The following RNLS variants were observed in gnomAD, a reference collection of about 807,000 sequenced individuals.
RNLS encodes the protein renalase, FAD dependent amine oxidase.
RNLS carries 39 observed loss-of-function variants against 39.8 expected under a neutral mutation model. The observed-to-expected ratio is 0.98, with a 90% CI of 0.76 to 1.28. The LOEUF is 1.28. Among genes scored for constraint, RNLS ranks in the 50% most tolerant of loss-of-function variants. RNLS has a pLI of 0.00. For synonymous variants in RNLS, 147 were observed against 150.7 expected (o/e 0.98, Z 0.18); for missense variants, 410 against 413.3 (o/e 0.99, Z 0.07).
chr10:88,198,316 T>G, the RNLS span, among the ~76,000 whole-genome samples: 1 of 152,190 alleles, frequency 6.6e-6, no homozygotes, highest in African/African-American at 2.4e-5. Flanking sequence ...GCATGTGGCC[T>G]GTGAGCAGGG....
the RNLS span, among the ~76,000 whole-genome samples, chr10:88,257,055 A>G: frequency 6.6e-6 from 1 of 152,050 alleles, no homozygotes; most frequent in South Asian, 2.1e-4. Context: ...AAAAAAAAAA[A>G]ATGTTTGATG....
At chr10:88,230,298 T>C in the RNLS span, among the ~76,000 whole-genome samples, 1 of 152,314 alleles carries the variant, frequency 6.6e-6, no homozygotes, top group African/African-American at 2.4e-5. Context: ...CCAATTTTTT[T>C]TGTAGTTCTG....
At chr10:88,561,267 T>C (rs1849172815) in intron 4 of RNLS, among the ~76,000 whole-genome samples, 1 of 152,142 alleles carries the variant, frequency 6.6e-6, no homozygotes, top group South Asian at 2.1e-4. Context: ...CTGTCTCATG[T>C]TTACAGGTCA....
At chr10:88,321,298 A>C (rs1037932190) in intron 5 of RNLS, among the ~76,000 whole-genome samples, 7 of 152,184 alleles carry the variant, frequency 4.6e-5, no homozygotes, top group African/African-American at 1.7e-4. Context: ...GATACAGCAA[A>C]AGCAGGGCTA....
At chr10:88,547,642 A>G (rs1848387016) in intron 4 of RNLS, among the ~76,000 whole-genome samples, 1 of 152,230 alleles carries the variant, frequency 6.6e-6, no homozygotes, top group East Asian at 1.9e-4. Flanking sequence ...CTATGCTTAA[A>G]TGAGTCCCTA....
At chr10:88,490,243 C>T (rs893627572) in intron 4 of RNLS, among the ~76,000 whole-genome samples, 9 of 152,134 alleles carry the variant, frequency 5.9e-5, no homozygotes, top group Non-Finnish European at 7.3e-5. Context: ...TTTTGTAATA[C>T]GTGATTTATA....
chr10:88,309,906 T>C (rs1318481743), intron 6 of RNLS, among the ~76,000 whole-genome samples: 3 of 152,114 alleles, frequency 2.0e-5, no homozygotes, highest in African/African-American at 2.4e-5. Context: ...CCAGTAAAGA[T>C]TGGAGTTATT....
At chr10:88,278,108 T>C (rs1842878184) in intron 6 of RNLS, among the ~76,000 whole-genome samples, 2 of 152,220 alleles carry the variant, frequency 1.3e-5, no homozygotes. Context: ...ATGGGTTTCC[T>C]GCTTCTAGGC....
intron 4 of RNLS, among the ~76,000 whole-genome samples, chr10:88,541,818 C>A (rs1019075525): frequency 1.3e-5 from 2 of 152,106 alleles, no homozygotes; most frequent in Admixed American, 6.6e-5. Flanking sequence ...CAAACAAGGA[C>A]TTCCTGCCTT....
At chr10:88,259,026 T>C in the RNLS span, 2 of 152,256 alleles carry the variant, frequency 1.3e-5, no homozygotes, top group African/African-American at 4.8e-5. Context: ...TAAATCATTC[T>C]GTAATTCTAA....
At chr10:88,292,935 C>G (rs1223823934) in intron 6 of RNLS, among the ~76,000 whole-genome samples, 2 of 151,990 alleles carry the variant, frequency 1.3e-5, no homozygotes, top group Non-Finnish European at 2.9e-5. Flanking sequence ...CCTGTAATCC[C>G]AGCTACTTGG....
At chr10:88,516,486 T>C (rs138435858) in intron 4 of RNLS, among the ~76,000 whole-genome samples, 2 of 152,138 alleles carry the variant, frequency 1.3e-5, no homozygotes, top group Middle Eastern at 3.4e-3. Context: ...AGTCATAAAC[T>C]ACAATGGAAT....
At chr10:88,522,034 T>C (rs183665262) in intron 4 of RNLS, among the ~76,000 whole-genome samples, 2 of 152,234 alleles carry the variant, frequency 1.3e-5, no homozygotes, top group Non-Finnish European at 2.9e-5. Context: ...GCTGGTACTA[T>C]ACCAGAACTC....
At chr10:88,523,710 A>C (rs181677796) in intron 4 of RNLS, among the ~76,000 whole-genome samples, 1 of 152,296 alleles carries the variant, frequency 6.6e-6, no homozygotes, top group East Asian at 1.9e-4. Context: ...AAAGAAGCCA[A>C]AGAAAGTCCT....
At chr10:88,211,397 G>A in the RNLS span, among the ~76,000 whole-genome samples, 1 of 152,324 alleles carries the variant, frequency 6.6e-6, no homozygotes, top group East Asian at 1.9e-4. Context: ...TCCTCAAGAA[G>A]TTTACAGCAT....
intron 4 of RNLS, among the ~76,000 whole-genome samples, chr10:88,379,578 T>C (rs1191851245): frequency 6.6e-6 from 1 of 152,212 alleles, no homozygotes; most frequent in Non-Finnish European, 1.5e-5. Flanking sequence ...ATTTGCCAGA[T>C]AGATTTTCCA....
At chr10:88,413,384 C>G (rs1193403762) in intron 4 of RNLS, among the ~76,000 whole-genome samples, 2 of 152,180 alleles carry the variant, frequency 1.3e-5, no homozygotes, top group South Asian at 2.1e-4. Flanking sequence ...TATTAAGTGC[C>G]TTTGTGCTAA....
chr10:88,360,322 CT>C (rs1462743067), intron 5 of RNLS, among the ~76,000 whole-genome samples: 1 of 152,248 alleles, frequency 6.6e-6, no homozygotes, highest in Non-Finnish European at 1.5e-5. Context: ...CTTCCACCCT[CT>C]TTGCTAGCAC....
At chr10:88,295,908 G>A (rs1260890664) in intron 6 of RNLS, among the ~76,000 whole-genome samples, 2 of 152,128 alleles carry the variant, frequency 1.3e-5, no homozygotes, top group African/African-American at 2.4e-5. Context: ...ACGAGGACTT[G>A]TTCAGAAGAA....
Sources: allele counts gnomAD v4.1 joint callset (sites outside exome capture counted in the v4.1 genomes callset), GRCh38; gene constraint gnomAD v4.1.1; transcripts MANE v1.5; gene names NCBI Gene and HGNC (gene_info 2026-07-23, HGNC 2026-07-21).